The following TRMT13 variants were observed in gnomAD, a reference collection of about 807,000 sequenced individuals.
The protein encoded by TRMT13 is tRNA:m(4)X modification enzyme TRM13 homolog.
TRMT13 carries 45 observed loss-of-function variants against 55.9 expected under a neutral mutation model. The ratio of observed to expected loss-of-function variants is 0.80; its 90% CI spans 0.63 to 1.03. TRMT13 has a LOEUF of 1.03. TRMT13 is among the 50% of genes least tolerant of loss of function. The pLI is 0.00. For synonymous variants in TRMT13, 183 were observed against 196.3 expected (o/e 0.93, Z 0.57); for missense variants, 513 against 563.9 (o/e 0.91, Z 0.91).
At chr1:100,142,419 T>C (rs745654653) in intron 7 of TRMT13, among the ~76,000 whole-genome samples, 36 of 152,226 alleles carry the variant, frequency 2.4e-4, no homozygotes, top group Non-Finnish European at 4.0e-4. Context: ...AGCTATTGCA[T>C]TGGGATGGAG....
chr1:100,144,148 G>A lies in TRMT13; in HGVS notation c.817+5G>A, dbSNP rs202067731. The stretch of plus-strand genomic sequence containing the variant: ...ATCTGTGTGGTATGGCAACAGGTAC[G>A]TAAACATACTGATAATGTTTACATT... On this transcript the variant is annotated splice_donor_5th_base_variant and intron_variant, in intron 9 of 10. Transcript: ENST00000370141. 16 of 1,611,108 alleles carry A rather than the reference G, an allele frequency of 9.9e-6. No individual in the cohort carries two copies. Among genetic ancestry groups the A allele is most frequent in the Middle Eastern group, 1.7e-4 (1 of 6,050 alleles).
intron 5 of TRMT13, 30 bp downstream of exon 5, chr1:100,140,281 T>G (rs745840151): frequency 1.3e-6 from 2 of 1,594,132 alleles, no homozygotes; most frequent in Non-Finnish European, 8.6e-7. Context: ...CAAGTTCAAT[T>G]ATTTTAGAGT....
chr1:100,143,986 ACT>A, intron 8 of TRMT13, 81 bp from the exon 9 acceptor site: 2 of 1,155,058 alleles, frequency 1.7e-6, no homozygotes, highest in Non-Finnish European at 2.5e-6. Context: ...AAATTCAGAG[ACT>A]CTAATTAGTT....
At chr1:100,139,595 T>G (rs1656340225) in intron 3 of TRMT13, 54 bp from the exon 4 acceptor site, 1 of 1,120,446 alleles carries the variant, frequency 8.9e-7, no homozygotes, top group African/African-American at 1.6e-5. Context: ...TTTAGTTTAA[T>G]TTTTGTGAGC....
At chr1:100,138,953 T>A (rs148632123) in intron 3 of TRMT13, among the ~76,000 whole-genome samples, 1 of 152,248 alleles carries the variant, frequency 6.6e-6, no homozygotes, top group East Asian at 1.9e-4. Flanking sequence ...GATTTCATTA[T>A]GTGTGTTTGT....
At chr1:100,139,810 T>C (rs1396629718) in intron 4 of TRMT13, 99 bp downstream of exon 4, 4 of 788,108 alleles carry the variant, frequency 5.1e-6, no homozygotes, top group Admixed American at 3.0e-5. Flanking sequence ...AAGTCTGTTT[T>C]TAATTTAGAA....
At chr1:100,134,117 A>G (rs1316547802) in intron 1 of TRMT13, among the ~76,000 whole-genome samples, 2 of 152,192 alleles carry the variant, frequency 1.3e-5, no homozygotes, top group Admixed American at 6.5e-5. Flanking sequence ...TAAGAATGCA[A>G]CTTTGCTGGA....
intron 5 of TRMT13, 29 bp from the exon 6 acceptor site, chr1:100,140,379 T>C: frequency 1.3e-6 from 2 of 1,595,456 alleles, no homozygotes; most frequent in Non-Finnish European, 1.7e-6. Flanking sequence ...GTTTGGCTGC[T>C]TAAGCTGTTG....
Position 100,140,896 on chromosome 1 carries a change from A to G in TRMT13, c.546A>G (p.Pro182=). 1 of 1,613,774 alleles carries G rather than the reference A, an allele frequency of 6.2e-7. No homozygotes were observed. Among genetic ancestry groups the G allele is most frequent in the Non-Finnish European group, 8.5e-7 (1 of 1,179,826 alleles). Reference sequence around the variant, plus strand: ...TTGAAAATTTAAAGTTACTTGGTCCAAGAAGATGCTTTGTTGAGTTTGGAG... The same window carrying G: ...TTGAAAATTTAAAGTTACTTGGTCCGAGAAGATGCTTTGTTGAGTTTGGAG... ...GNIENLKLLG[P]RRCFVEFGAG... Residue 182 remains proline, a synonymous_variant, in exon 7 of 11, where the codon CCA becomes CCG. Transcript: ENST00000370141.
At chr1:100,135,601 TTTG>T (rs1655731775) in intron 1 of TRMT13, among the ~76,000 whole-genome samples, 1 of 152,138 alleles carries the variant, frequency 6.6e-6, no homozygotes, top group Non-Finnish European at 1.5e-5. Context: ...AAGACATATT[TTTG>T]TTCTCATCTT....
intron 3 of TRMT13, among the ~76,000 whole-genome samples, chr1:100,137,421 C>A (rs573477975): frequency 6.6e-6 from 1 of 152,176 alleles, no homozygotes; most frequent in East Asian, 1.9e-4. Flanking sequence ...TGGTCTCGAA[C>A]TGCTGGTGTC....
chr1:100,137,132 T>C (rs919962143), intron 3 of TRMT13, 47 bp downstream of exon 3: 1 of 1,462,214 alleles, frequency 6.8e-7, no homozygotes, highest in Non-Finnish European at 9.5e-7. Context: ...TGGTATGTAA[T>C]GCCTTGGTAG....
chr1:100,144,176 T>C (rs955255851), intron 9 of TRMT13, 33 bp downstream of exon 9: 3 of 1,579,208 alleles, frequency 1.9e-6, no homozygotes, highest in African/African-American at 2.7e-5. Flanking sequence ...TTTACATTAA[T>C]GCATTAAGTT....
At position 100,149,585 on chromosome 1, in the gene TRMT13, A is replaced by AT. The variant is rs373707050; in HGVS notation, c.*771dup. The AT allele has an allele frequency of 9.6e-5, 60 of 622,898 alleles. 3 individuals are homozygous for AT. The South Asian group carries it at 1.4e-3, about 14-fold the overall frequency. The allele number at this position is 622,898 out of a possible 1,614,324, so 38.6% of individuals were successfully genotyped here. On this transcript the variant is annotated 3_prime_UTR_variant, in exon 11 of 11. Transcript: ENST00000370141. Reference sequence around the variant, plus strand: ...GCTATCTCATATCTTTTATCAGGTCATTTTTTATATATGTAGGCACAAACA... The same window carrying AT: ...GCTATCTCATATCTTTTATCAGGTCATTTTTTTATATATGTAGGCACAAACA...
intron 3 of TRMT13, 139 bp from the exon 4 acceptor site, chr1:100,139,510 T>C (rs995179270): frequency 6.6e-6 from 4 of 607,288 alleles, no homozygotes; most frequent in Admixed American, 6.3e-5. Flanking sequence ...TATTCAATAG[T>C]GATTTCATGA....
rs2101753327 is a variant in TRMT13, at chr1:100,149,544, T to C, written c.*724T>C. On this transcript the variant is annotated 3_prime_UTR_variant, in exon 11 of 11. Coordinates refer to ENST00000370141, the MANE Select transcript of TRMT13 (RefSeq NM_019083.3). Reference sequence around the variant, plus strand: ...AACATAATTCACAAATTTGAAATAATTTCTGAAGTTGATTAGCTATCTCAT... The same window carrying C: ...AACATAATTCACAAATTTGAAATAACTTCTGAAGTTGATTAGCTATCTCAT... 1 of 1,109,684 alleles carries C rather than the reference T, an allele frequency of 9.0e-7. No homozygotes were observed. Among genetic ancestry groups the C allele is most frequent in the Non-Finnish European group, 1.3e-6 (1 of 797,492 alleles). 68.7% of individuals were successfully genotyped at this position (1,109,684 alleles called of 1,614,324 possible).
At position 100,144,206 on chromosome 1, in the gene TRMT13, A is replaced by G. The variant is rs958280338; in HGVS notation, c.817+63A>G. The G allele has an allele frequency of 2.3e-5, 27 of 1,176,026 alleles. No individual in the cohort carries two copies. The Admixed American group carries it at 3.2e-4, about 14-fold the overall frequency. The allele number at this position is 1,176,026 out of a possible 1,614,324, so 72.8% of individuals were successfully genotyped here. On this transcript the variant is annotated intron_variant, in intron 9 of 10. Transcript: ENST00000370141. ...TAAGTTTTGGCCTAACCTGGCCCCA[A>G]CCATTTCAGTGGTCTCTTTTGAATA...
intron 1 of TRMT13, among the ~76,000 whole-genome samples, chr1:100,135,688 C>G (rs1655741503): frequency 6.6e-6 from 1 of 152,158 alleles, no homozygotes; most frequent in African/African-American, 2.4e-5. Flanking sequence ...GGTATCATAC[C>G]TAGGCAGTCT....
At chr1:100,140,767 C>A in intron 6 of TRMT13, 85 bp from the exon 7 acceptor site, 2 of 1,301,212 alleles carry the variant, frequency 1.5e-6, no homozygotes, top group Non-Finnish European at 1.1e-6. Context: ...AGCATACTGC[C>A]TTATGCAGAA....
Sources: allele counts gnomAD v4.1 joint callset (sites outside exome capture counted in the v4.1 genomes callset), GRCh38; gene constraint gnomAD v4.1.1; transcripts MANE v1.5; gene names NCBI Gene and HGNC (gene_info 2026-07-23, HGNC 2026-07-21).